HLA-DRB5: variants seen among roughly 807,000 people sequenced by gnomAD.
The protein encoded by HLA-DRB5 is major histocompatibility complex, class II, DR beta 5, also known as DR beta-5.
A neutral mutation model predicts 22.4 loss-of-function variants in HLA-DRB5; 11 were observed. The ratio of observed to expected loss-of-function variants is 0.49; its 90% CI spans 0.31 to 0.81. The LOEUF (loss-of-function observed/expected upper bound fraction) is 0.81. Ranked by LOEUF, HLA-DRB5 falls within the 40% of genes least tolerant of loss-of-function variation. The pLI, the probability that HLA-DRB5 is intolerant of heterozygous loss-of-function variation, is 0.05. For synonymous variants in HLA-DRB5, 57 were observed against 106.0 expected (o/e 0.54, Z 2.84); for missense variants, 106 against 274.4 (o/e 0.39, Z 4.34).
At chr6:32,521,849 ACACACT>A (rs1562433332) in intron 2 of HLA-DRB5, 50 bp downstream of exon 2, 1 of 750,288 alleles carries the variant, frequency 1.3e-6, no homozygotes, top group Non-Finnish European at 2.0e-6. Flanking sequence ...ACACACACAC[ACACACT>A]CAGATTCCCA....
intron 1 of HLA-DRB5, among the ~76,000 whole-genome samples, chr6:32,525,941 C>G (rs190482869): frequency 6.0e-5 from 3 of 49,638 alleles, no homozygotes; most frequent in Non-Finnish European, 1.2e-4. Context: ...CATGAGCAGT[C>G]ACCACTGCAC....
chr6:32,530,018 G>T, intron 1 of HLA-DRB5, 107 bp downstream of exon 1: 1 of 647,156 alleles, frequency 1.5e-6, no homozygotes, highest in South Asian at 1.8e-5. Flanking sequence ...GGCAATCTCT[G>T]AAGAAAATGT....
Position 32,530,184 on chromosome 6 carries a change from T to A in HLA-DRB5, c.41A>T (p.Lys14Met), listed in dbSNP as rs1064587. 21,095 of 1,166,294 alleles carry A rather than the reference T, an allele frequency of 0.018. 1,375 individuals are homozygous for A. The highest frequency in any genetic ancestry group is 0.069 in the Middle Eastern group (247 of 3,600). The allele number at this position is 1,166,294 out of a possible 1,614,324, so 72.2% of individuals were successfully genotyped here. Residue 14 changes from lysine to methionine, a missense_variant, in exon 1 of 6, where the codon AAG (lysine) becomes ATG (methionine). Lys to Met is a moderately conservative substitution (Grantham distance 95). Transcript: ENST00000374975. Reference sequence around the variant, plus strand: ...CAGCACCATCAGTGTCACTGTCAGCTTTGCCATGTAGGAACCTCCAGGGAG... The same window carrying A: ...CAGCACCATCAGTGTCACTGTCAGCATTGCCATGTAGGAACCTCCAGGGAG... Reference protein sequence around the residue: ...LKLPGGSYMAKLTVTLMVLSS... With the variant: ...LKLPGGSYMAMLTVTLMVLSS...
At chr6:32,525,235 G>T (rs1769461921) in intron 1 of HLA-DRB5, among the ~76,000 whole-genome samples, 1 of 42,522 alleles carries the variant, frequency 2.4e-5, no homozygotes, top group Admixed American at 3.1e-4. Context: ...CTTTTAAATG[G>T]GTCACTTTTT....
intron 2 of HLA-DRB5, among the ~76,000 whole-genome samples, chr6:32,520,289 G>A (rs138244311): frequency 6.3e-3 from 243 of 38,516 alleles, no homozygotes; most frequent in Middle Eastern, 0.015. Flanking sequence ...GACCGAGTAG[G>A]GTACAAAAGG....
At chr6:32,521,288 AG>A (rs1318942822) in intron 2 of HLA-DRB5, among the ~76,000 whole-genome samples, 39,926 of 87,268 alleles carry the variant, frequency 0.46, 9,109 homozygotes, top group Middle Eastern at 0.64. Context: ...ATACACACTA[AG>A]AAAACAAACA....
At chr6:32,521,477 A>C (rs112594243) in intron 2 of HLA-DRB5, among the ~76,000 whole-genome samples, 90,036 of 113,094 alleles carry the variant, frequency 0.8, 37,896 homozygotes, top group Middle Eastern at 0.89. Context: ...TCATATTATC[A>C]CAAATCTTCC....
intron 1 of HLA-DRB5, among the ~76,000 whole-genome samples, chr6:32,522,622 A>G (rs552302762): frequency 0.089 from 2,406 of 26,930 alleles, 595 homozygotes; most frequent in Middle Eastern, 0.28. Flanking sequence ...CCAGGCTTGC[A>G]CTGCCTCTGG....
In HLA-DRB5 at chr6:32,519,541, A is replaced by G; in HGVS notation, c.481T>C (p.Phe161Leu). ...GCCTTCTCTTCCTGGCTGTTCCGGAACCACCTGACTTCAATGCTGCCTGGA... is the reference window on the plus strand; with the variant it reads ...GCCTTCTCTTCCTGGCTGTTCCGGAGCCACCTGACTTCAATGCTGCCTGGA... ...FYPGSIEVRW[F>L]RNSQEEKAGV... The change falls in exon 3 of 6, where the codon TTC (phenylalanine) becomes CTC (leucine). Residue 161 changes from phenylalanine to leucine, a missense_variant. By Grantham distance (22) the Phe-to-Leu change is conservative. Coordinates refer to ENST00000374975, the MANE Select transcript of HLA-DRB5 (RefSeq NM_002125.4). 2 of 1,518,050 alleles carry G rather than the reference A, an allele frequency of 1.3e-6. No homozygotes were observed. The highest frequency in any genetic ancestry group is 1.1e-5 in the South Asian group (1 of 88,744). 94.0% of individuals were successfully genotyped at this position (1,518,050 alleles called of 1,614,324 possible).
At chr6:32,524,766 T>G (rs1286356602) in intron 1 of HLA-DRB5, among the ~76,000 whole-genome samples, 1,718 of 95,356 alleles carry the variant, frequency 0.018, 3 homozygotes, top group Non-Finnish European at 0.03. Flanking sequence ...CTTGCATGGC[T>G]AGCACTGTAA....
At chr6:32,520,780 T>C (rs1465855134) in intron 2 of HLA-DRB5, among the ~76,000 whole-genome samples, 4,174 of 41,676 alleles carry the variant, frequency 0.1, 922 homozygotes, top group Middle Eastern at 0.13. Flanking sequence ...ATATATTTTA[T>C]TAAACAGAAA....
intron 1 of HLA-DRB5, among the ~76,000 whole-genome samples, chr6:32,524,610 C>G (rs894057063): frequency 0.088 from 6,485 of 74,006 alleles, 45 homozygotes; most frequent in Admixed American, 0.11. Context: ...CTTCACAAAG[C>G]TCCGTTTGCC....
chr6:32,526,813 C>A, intron 1 of HLA-DRB5, among the ~76,000 whole-genome samples: 1 of 25,376 alleles, frequency 3.9e-5, no homozygotes, highest in Non-Finnish European at 8.4e-5. Flanking sequence ...GTCACTGCGC[C>A]TGGCCCACCA....
At chr6:32,528,263 G>A (rs200926331) in intron 1 of HLA-DRB5, among the ~76,000 whole-genome samples, 1 of 115,238 alleles carries the variant, frequency 8.7e-6, no homozygotes, top group Admixed American at 9.2e-5. Flanking sequence ...AGTGCACTAT[G>A]ACTCTCTGAA....
At chr6:32,519,920 TAC>T (rs545234049) in intron 2 of HLA-DRB5, among the ~76,000 whole-genome samples, 2,669 of 79,432 alleles carry the variant, frequency 0.034, 27 homozygotes, top group East Asian at 0.054. Context: ...TCTTTGAAAG[TAC>T]AGAGTGTAGT....
intron 1 of HLA-DRB5, among the ~76,000 whole-genome samples, chr6:32,529,588 T>TAAGC (rs1335177208): frequency 2.0e-5 from 1 of 50,316 alleles, no homozygotes; most frequent in African/African-American, 8.9e-5. Flanking sequence ...CTTGCATACA[T>TAAGC]TACAGGGTAA....
intron 1 of HLA-DRB5, among the ~76,000 whole-genome samples, chr6:32,526,999 T>C (rs1476456255): frequency 0.061 from 1,753 of 28,698 alleles, 231 homozygotes; most frequent in Non-Finnish European, 0.066. Context: ...ACAAAATCCT[T>C]AGGAATAAGC....
chr6:32,528,922 G>A (rs1238549983), intron 1 of HLA-DRB5, among the ~76,000 whole-genome samples: 3 of 112,646 alleles, frequency 2.7e-5, no homozygotes, highest in African/African-American at 6.2e-5. Context: ...CAGCCTGGGT[G>A]ACAGAGCCAG....
rs541542451 is a variant in HLA-DRB5, at chr6:32,525,961, C to T, written c.101-3787G>A. ...GCAGTCACCACTGCACACAGGGGCC[C>T]TCTAATATTTCCTTGATAATAATGA... On this transcript the variant is annotated intron_variant, in intron 1 of 5. Coordinates refer to ENST00000374975, the MANE Select transcript of HLA-DRB5 (RefSeq NM_002125.4). Among the ~76,000 whole-genome samples, 242 of 33,190 alleles carry T rather than the reference C, an allele frequency of 7.3e-3. 22 individuals are homozygous for T. Among genetic ancestry groups the T allele is most frequent in the East Asian group, 0.026 (40 of 1,514 alleles). The allele number at this position is 33,190 out of a possible 152,430, so 21.8% of individuals were successfully genotyped here.
Sources: allele counts gnomAD v4.1 joint callset (sites outside exome capture counted in the v4.1 genomes callset), GRCh38; gene constraint gnomAD v4.1.1; transcripts MANE v1.5; gene names NCBI Gene and HGNC (gene_info 2026-07-23, HGNC 2026-07-21).